The following SEPTIN5 variants were observed in gnomAD, a reference collection of about 807,000 sequenced individuals.
SEPTIN5 encodes septin 5, also known as septin-5.
In SEPTIN5, 16 loss-of-function variants were observed where a neutral mutation model predicts 51.2. The ratio of observed to expected loss-of-function variants is 0.31; its 90% confidence interval spans 0.21 to 0.47. The LOEUF (loss-of-function observed/expected upper bound fraction) is 0.47, where lower values mean the gene tolerates loss of function less well. SEPTIN5 is among the 20% of genes least tolerant of loss of function. The pLI is 0.99. For synonymous variants in SEPTIN5, 208 were observed against 191.2 expected, an observed-to-expected ratio of 1.09 and a Z score of -0.72; for missense variants, 376 against 500.3, an observed-to-expected ratio of 0.75 and a Z score of 2.37.
At chr22:19,719,475 C>A in intron 2 of SEPTIN5, 127 bp from the exon 3 acceptor site, 2 of 742,928 alleles carry the variant, frequency 2.7e-6, no homozygotes, top group Non-Finnish European at 4.3e-6. Flanking sequence ...CTTATTTTTG[C>A]CAACGAAATG....
chr22:19,718,918 T>A, intron 2 of SEPTIN5: 7 of 1,151,822 alleles, frequency 6.1e-6, no homozygotes, highest in Non-Finnish European at 7.6e-6. Context: ...CGCCAGCGCC[T>A]AGGCTCAGCC....
At chr22:19,721,782 C>T in intron 9 of SEPTIN5, 40 bp from the exon 10 acceptor site, 1 of 1,601,668 alleles carries the variant, frequency 6.2e-7, no homozygotes, top group Non-Finnish European at 8.5e-7. Context: ...GAAGGCTGTC[C>T]TGGGCCGGCG....
chr22:19,721,548 G>T, intron 8 of SEPTIN5, 92 bp from the exon 9 acceptor site: 2 of 1,349,706 alleles, frequency 1.5e-6, no homozygotes, highest in South Asian at 1.2e-5. Context: ...GGTGATGCTG[G>T]AGGGGTGCCC....
rs1936076693 is a variant in SEPTIN5 at position 19,722,860 on chromosome 22, G to C, written c.*376G>C. On this transcript the variant is annotated 3_prime_UTR_variant, in exon 12 of 12. Coordinates refer to ENST00000455784, the MANE Select transcript of SEPTIN5 (RefSeq NM_002688.6). ...GTCTGTTCCCTGCCCCAGTGCTGCA[G>C]AACGGACTTGGGAGCCCTCCTTTGC... 2.2e-6 allele frequency: 1 copy of C among 458,446 alleles called. No individual in the cohort carries two copies. The highest frequency in any genetic ancestry group is 4.1e-6 in the Non-Finnish European group (1 of 246,688). 28.4% of individuals were successfully genotyped at this position (458,446 alleles called of 1,614,324 possible).
chr22:19,722,466 G>T lies in SEPTIN5; in HGVS notation c.1092G>T (p.Gln364His). ...AGGAGATGCTGCAGAGGATGAAGCA[G>T]CAGATGCAGGACCAGTGACGCTCGC... ...RMQEMLQRMK[Q>H]QMQDQ Residue 364 changes from glutamine to histidine, a missense_variant, in exon 12 of 12, where the codon CAG becomes CAT. By Grantham distance (24) the Gln-to-His change is conservative. Transcript: ENST00000455784. 6.2e-7 allele frequency: 1 copy of T among 1,600,312 alleles called. No individual in the cohort carries two copies. Among genetic ancestry groups the T allele is most frequent in the Non-Finnish European group, 8.5e-7 (1 of 1,173,826 alleles).
rs559785348 is a variant in SEPTIN5 at position 19,722,249 on chromosome 22, G to A, written c.963G>A (p.Gln321=). Reference sequence around the variant, plus strand: ...CCGCCCCGCGCAGCAAACTGACCCAGGACAGCCGCATGGAGAGCCCCATCC... The same window carrying A: ...CCGCCCCGCGCAGCAAACTGACCCAAGACAGCCGCATGGAGAGCCCCATCC... ...CIQQMTSKLT[Q]DSRMESPIPI... is the part of the protein sequence containing the mutation. Residue 321 remains glutamine (Q), a synonymous_variant, in exon 11 of 12, where the codon CAG becomes CAA. Coordinates refer to ENST00000455784, the MANE Select transcript of SEPTIN5 (RefSeq NM_002688.6). The A allele has an allele frequency of 5.0e-6, 8 of 1,607,152 alleles. No homozygotes were observed. The African/African-American group carries it at 6.7e-5, about 13-fold the overall frequency.
At position 19,723,212 on chromosome 22, in the gene SEPTIN5, C is replaced by A. The variant is rs562942429; in HGVS notation, c.*728C>A. ...GCCGGGATCCTGAGCCTAGGCCTCC[C>A]GATGTTCCCACCCGCATGATCCCTT... On this transcript the variant is annotated 3_prime_UTR_variant, in exon 12 of 12. Coordinates refer to ENST00000455784, the MANE Select transcript of SEPTIN5 (RefSeq NM_002688.6). 1,071 of 616,976 alleles carry A rather than the reference C, an allele frequency of 1.7e-3. 6 individuals carry two copies. Among genetic ancestry groups the A allele is most frequent in the Non-Finnish European group, 2.1e-3 (680 of 330,498 alleles). 38.2% of individuals were successfully genotyped at this position (616,976 alleles called of 1,614,324 possible).
chr22:19,720,151 CG>C lies in SEPTIN5; in HGVS notation c.277del (p.Val93TrpfsTer10), dbSNP rs768232519. 1 of 1,613,354 alleles carries C rather than the reference CG, an allele frequency of 6.2e-7. No individual in the cohort carries two copies. ...CAGACGGTAGAGATTCTAAAACACA[CG>C]GTGGACATTGAGGAGAAGGGAGTCA... Reference protein sequence around the residue: ...ISQTVEILKHTVDIEEKGVKL... With the variant: ...ISQTVEILKHXVDIEEKGVKL... On this transcript the variant is annotated frameshift_variant, in exon 5 of 12. Coordinates refer to ENST00000455784, the MANE Select transcript of SEPTIN5 (RefSeq NM_002688.6). LOFTEE classifies it high-confidence loss of function.
At chr22:19,717,220 G>C in intron 2 of SEPTIN5, 2 of 455,802 alleles carry the variant, frequency 4.4e-6, no homozygotes, top group Non-Finnish European at 9.0e-6. Context: ...AGCTTCTAAT[G>C]TTCTAATGTG....
At position 19,722,674 on chromosome 22, in the gene SEPTIN5, C is replaced by T. The variant is rs1936072045; in HGVS notation, c.*190C>T. 7.7e-6 allele frequency: 5 copies of T among 646,912 alleles called. No individual in the cohort carries two copies. The highest frequency in any genetic ancestry group is 1.3e-5 in the Non-Finnish European group (5 of 379,440). 40.1% of individuals were successfully genotyped at this position (646,912 alleles called of 1,614,324 possible). On this transcript the variant is annotated 3_prime_UTR_variant, in exon 12 of 12. Coordinates refer to ENST00000455784, the MANE Select transcript of SEPTIN5 (RefSeq NM_002688.6). ...TGGACCGTAGCCCCCGCCCAGCTGG[C>T]CCTCTCTGACCTTGGGGGATCAGGA... is the stretch of plus-strand genomic sequence containing the variant.
At chr22:19,719,327 C>T in intron 2 of SEPTIN5, 1 of 400,190 alleles carries the variant, frequency 2.5e-6, no homozygotes, top group East Asian at 4.5e-5. Context: ...GTGCCTGCTG[C>T]GGCCTGACAT....
intron 2 of SEPTIN5, chr22:19,717,205 C>A: frequency 2.3e-6 from 1 of 429,058 alleles, no homozygotes; most frequent in Non-Finnish European, 4.7e-6. Context: ...GGGGTTGGGG[C>A]CTCCAGCTTC....
intron 2 of SEPTIN5, chr22:19,719,010 CA>C: frequency 5.4e-6 from 3 of 550,544 alleles, no homozygotes; most frequent in Non-Finnish European, 8.1e-6. Flanking sequence ...CACGCGACTC[CA>C]AAACGCGGCG....
rs1024414287 is a variant in SEPTIN5, at chr22:19,722,939, G to A, written c.*455G>A. ...TGAGACCCCATTTTCTGTCGAGGCG[G>A]GCCGAGTCTTCCCTTATCCCCAGAC... On this transcript the variant is annotated 3_prime_UTR_variant, in exon 12 of 12. Coordinates refer to ENST00000455784, the MANE Select transcript of SEPTIN5 (RefSeq NM_002688.6). 6.8e-6 allele frequency: 3 copies of A among 442,094 alleles called. No homozygotes were observed. The highest frequency in any genetic ancestry group is 6.3e-5 in the South Asian group (3 of 47,790). The allele number at this position is 442,094 out of a possible 1,614,324, so 27.4% of individuals were successfully genotyped here.
In SEPTIN5 at chr22:19,722,938, G is replaced by A. The variant is rs3810596; in HGVS notation, c.*454G>A. The A allele has an allele frequency of 2.0e-5, 9 of 441,778 alleles. No individual in the cohort carries two copies. Among genetic ancestry groups the A allele is most frequent in the Non-Finnish European group, 3.4e-5 (8 of 234,384 alleles). The allele number at this position is 441,778 out of a possible 1,614,324, so 27.4% of individuals were successfully genotyped here. On this transcript the variant is annotated 3_prime_UTR_variant, in exon 12 of 12. Transcript: ENST00000455784. Reference sequence around the variant, plus strand: ...CTGAGACCCCATTTTCTGTCGAGGCGGGCCGAGTCTTCCCTTATCCCCAGA... The same window carrying A: ...CTGAGACCCCATTTTCTGTCGAGGCAGGCCGAGTCTTCCCTTATCCCCAGA...
At position 19,720,603 on chromosome 22, in the gene SEPTIN5, C is replaced by A. The variant is rs773960138; in HGVS notation, c.552C>A (p.Ile184=). The change falls in exon 7 of 12, where the codon ATC becomes ATA. Residue 184 remains isoleucine (I), a synonymous_variant. Coordinates refer to ENST00000455784, the MANE Select transcript of SEPTIN5 (RefSeq NM_002688.6). ...FMKALHEKVN[I]VPLIAKADCL... is the part of the protein sequence containing the mutation. ...AGGCATTGCATGAGAAGGTCAACAT[C>A]GTGCCTCTCATCGCCAAAGCTGACT... The A allele has an allele frequency of 6.2e-7, 1 of 1,612,844 alleles. No homozygotes were observed. The highest frequency in any genetic ancestry group is 1.3e-5 in the African/African-American group (1 of 74,910).
At position 19,723,225 on chromosome 22, in the gene SEPTIN5, C is replaced by T. The variant is rs1388563818; in HGVS notation, c.*741C>T. The stretch of plus-strand genomic sequence containing the variant: ...GCCTAGGCCTCCCGATGTTCCCACC[C>T]GCATGATCCCTTCCCGCCACACGAT... On this transcript the variant is annotated 3_prime_UTR_variant, in exon 12 of 12. Transcript: ENST00000455784. The T allele has an allele frequency of 2.8e-5, 18 of 635,620 alleles. No individual in the cohort carries two copies. Among genetic ancestry groups the T allele is most frequent in the Non-Finnish European group, 4.4e-5 (15 of 342,426 alleles). 39.4% of individuals were successfully genotyped at this position (635,620 alleles called of 1,614,324 possible). A position where few individuals can be genotyped will look rare whatever the true frequency, so the allele number is the denominator to read the frequency against.
chr22:19,718,898 C>T (rs976663230), intron 2 of SEPTIN5: 14 of 1,206,338 alleles, frequency 1.2e-5, no homozygotes, highest in Middle Eastern at 6.4e-4. Context: ...CGTCCCCGCG[C>T]GCCACGGCCC....
chr22:19,718,048 C>G (rs1935942605), intron 2 of SEPTIN5: 1 of 152,320 alleles, frequency 6.6e-6, no homozygotes, highest in South Asian at 2.1e-4. Flanking sequence ...TCGGGCAAGT[C>G]TGCGAGAAGA....
Sources: allele counts gnomAD v4.1 joint callset, GRCh38; gene constraint gnomAD v4.1.1; transcripts MANE v1.5; gene names NCBI Gene and HGNC (gene_info 2026-07-23, HGNC 2026-07-21).